The following ZFHX3 variants were observed in gnomAD, a reference collection of about 807,000 sequenced individuals.
ZFHX3 encodes the protein zinc finger homeobox protein 3.
A neutral mutation model predicts 279.1 loss-of-function variants in ZFHX3; 42 were observed. That is an observed-to-expected ratio of 0.15 (90% CI 0.12 to 0.19). The LOEUF (loss-of-function observed/expected upper bound fraction) is 0.19. ZFHX3 is among the 10% of genes least tolerant of loss of function. ZFHX3 has a pLI of 1.00. For missense variants in ZFHX3, 4,981 were observed against 4,754.0 expected (o/e 1.05, Z -1.40); for synonymous variants, 2,293 against 1,957.8 (o/e 1.17, Z -4.52).
chr16:73,354,588 C>T (rs1255072316), intron 3 of ZFHX3, among the ~76,000 whole-genome samples: 2 of 152,188 alleles, frequency 1.3e-5, no homozygotes, highest in East Asian at 3.9e-4. Context: ...CATTTGACCT[C>T]CTCCCCAGTC....
At chr16:73,585,447 C>T (rs769216121) in intron 2 of ZFHX3, among the ~76,000 whole-genome samples, 29 of 152,094 alleles carry the variant, frequency 1.9e-4, no homozygotes, top group African/African-American at 4.6e-4. Context: ...TGGGGCTTGT[C>T]GGGAGGTGGG....
chr16:73,431,230 GT>G (rs2017904872), intron 3 of ZFHX3, among the ~76,000 whole-genome samples: 2 of 103,158 alleles, frequency 1.9e-5, no homozygotes, highest in African/African-American at 8.0e-5. Context: ...ATGGGAATCT[GT>G]TTTTTTGTAT....
intron 1 of ZFHX3, among the ~76,000 whole-genome samples, chr16:73,805,793 T>A (rs1420642917): frequency 6.6e-6 from 1 of 152,116 alleles, no homozygotes; most frequent in Admixed American, 6.5e-5. Context: ...GGCATGTGAA[T>A]AAAAGGATAG....
rs373052102 is a variant in ZFHX3, at chr16:72,788,375, C to G, written c.9901G>C (p.Ala3301Pro). The change falls in exon 10 of 10, where the codon GCA becomes CCA. Residue 3301 changes from alanine to proline, a missense_variant. Ala to Pro is a conservative substitution (Grantham distance 27, BLOSUM62 -1). Around this residue, in one of 7 missense-constraint regions of ZFHX3, gnomAD observed 1,034 missense variants for 786.0 expected, o/e 1.32. Transcript: ENST00000268489. The stretch of plus-strand genomic sequence containing the variant: ...GGAAGGAACTGGCTTGTGAGCAATG[C>G]TGTGGGGTCCGAAGTCAACGCGGCC... ...LQAALTSDPT[A>P]LLTSQFLPYF... 15 of 1,614,158 alleles carry G rather than the reference C, an allele frequency of 9.3e-6. No individual in the cohort carries two copies. Among genetic ancestry groups the G allele is most frequent in the Non-Finnish European group, 1.3e-5 (15 of 1,180,028 alleles).
At chr16:73,271,144 G>A (rs1057506931) in intron 4 of ZFHX3, among the ~76,000 whole-genome samples, 1 of 152,190 alleles carries the variant, frequency 6.6e-6, no homozygotes, top group Admixed American at 6.5e-5. Flanking sequence ...AGTGGAATAT[G>A]CCCCAGGGTT....
chr16:73,181,633 G>A (rs1482659378), intron 5 of ZFHX3, among the ~76,000 whole-genome samples: 1 of 152,226 alleles, frequency 6.6e-6, no homozygotes, highest in Non-Finnish European at 1.5e-5. Context: ...GCCCTTGACT[G>A]TGAATATACA....
intron 7 of ZFHX3, chr16:72,807,318 C>T (rs1210183343): frequency 6.6e-6 from 1 of 152,214 alleles, no homozygotes; most frequent in Non-Finnish European, 1.5e-5. Context: ...CAGAGGTACT[C>T]TTTGCAGCTC....
intron 3 of ZFHX3, among the ~76,000 whole-genome samples, chr16:73,382,921 T>C (rs1301290919): frequency 5.3e-5 from 8 of 152,130 alleles, no homozygotes; most frequent in South Asian, 4.2e-4. Context: ...GCTCTGATTA[T>C]GGAAAGGGGA....
At chr16:73,831,425 A>G (rs1175580980) in intron 1 of ZFHX3, among the ~76,000 whole-genome samples, 1 of 152,216 alleles carries the variant, frequency 6.6e-6, no homozygotes, top group African/African-American at 2.4e-5. Flanking sequence ...TTATTAGAGC[A>G]TAAGAAACAG....
intron 1 of ZFHX3, among the ~76,000 whole-genome samples, chr16:73,818,877 A>G (rs547385777): frequency 6.6e-6 from 1 of 152,346 alleles, no homozygotes; most frequent in African/African-American, 2.4e-5. Context: ...GAGATAAACA[A>G]TGACAACCAC....
intron 3 of ZFHX3, among the ~76,000 whole-genome samples, chr16:72,917,768 TTGTG>T: frequency 6.6e-6 from 1 of 152,358 alleles, no homozygotes; most frequent in East Asian, 1.9e-4. Context: ...GGATGATTTT[TTGTG>T]TGTGTGTCTC....
chr16:72,829,411 C>CCG, intron 5 of ZFHX3: 1 of 204,358 alleles, frequency 4.9e-6, no homozygotes, highest in Non-Finnish European at 1.0e-5. Context: ...GCGACTGGAC[C>CCG]TTCAATAGAG....
intron 2 of ZFHX3, among the ~76,000 whole-genome samples, chr16:73,457,843 G>A (rs1403914533): frequency 1.3e-5 from 2 of 152,210 alleles, no homozygotes; most frequent in Non-Finnish European, 2.9e-5. Flanking sequence ...CTCAGTGAAG[G>A]AATGCATGGG....
At chr16:73,401,399 C>CACACAT in intron 3 of ZFHX3, 1 of 152,162 alleles carries the variant, frequency 6.6e-6, no homozygotes, top group Non-Finnish European at 1.5e-5. Flanking sequence ...CACACACACA[C>CACACAT]ACACACACCT....
intron 3 of ZFHX3, among the ~76,000 whole-genome samples, chr16:72,922,911 T>C (rs771810067): frequency 1.3e-5 from 2 of 152,102 alleles, no homozygotes; most frequent in African/African-American, 2.4e-5. Flanking sequence ...GCTCTGTCCA[T>C]ACCAGGCTCC....
chr16:73,633,935 G>C (rs950610778), intron 2 of ZFHX3, among the ~76,000 whole-genome samples: 3 of 151,936 alleles, frequency 2.0e-5, no homozygotes, highest in Non-Finnish European at 4.4e-5. Flanking sequence ...GTGATGTTTG[G>C]CAAAGTATTA....
chr16:73,831,393 C>T (rs76905747), intron 1 of ZFHX3, among the ~76,000 whole-genome samples: 12,298 of 152,142 alleles, frequency 0.081, 649 homozygotes, highest in South Asian at 0.24. Context: ...ATGAGAGGTG[C>T]TAAATAAGTT....
intron 2 of ZFHX3, among the ~76,000 whole-genome samples, chr16:73,509,358 A>C (rs2019382765): frequency 1.3e-5 from 2 of 148,292 alleles, no homozygotes; most frequent in African/African-American, 2.5e-5. Context: ...CTCCCCCTCC[A>C]CCCCCTAAAC....
chr16:72,834,283 C>T (rs2037131851), intron 4 of ZFHX3, among the ~76,000 whole-genome samples: 1 of 152,170 alleles, frequency 6.6e-6, no homozygotes, highest in African/African-American at 2.4e-5. Flanking sequence ...TCCATCACCA[C>T]CTCCTTTTTA....
Sources: gnomAD v4.1 joint callset for allele counts (sites outside exome capture counted in the v4.1 genomes callset) on GRCh38, gnomAD v4.1.1 for gene constraint, gnomAD v4.1.1 regional missense constraint, MANE v1.5 for transcripts, NCBI Gene and HGNC (gene_info 2026-07-23, HGNC 2026-07-21) for gene names.